DPYD: variants seen among roughly 807,000 people sequenced by gnomAD.
DPYD encodes dihydropyrimidine dehydrogenase [NADP(+)].
In DPYD, 109 loss-of-function variants were observed where a neutral mutation model predicts 116.2. The ratio of observed to expected loss-of-function variants is 0.94; its 90% CI spans 0.80 to 1.10. The LOEUF (loss-of-function observed/expected upper bound fraction) is 1.10. Ranked by LOEUF, DPYD falls within the 50% of genes least tolerant of loss-of-function variation. The probability of loss-of-function intolerance (pLI) is 0.00; values close to 1 mark genes in which losing one functional copy is unlikely to be tolerated. For synonymous variants in DPYD, 440 were observed against 432.0 expected (o/e 1.02, Z -0.23); for missense variants, 1,302 against 1,254.5 (o/e 1.04, Z -0.57).
chr1:97,187,514 C>T (rs11587873), intron 20 of DPYD, among the ~76,000 whole-genome samples: 25,915 of 152,042 alleles, frequency 0.17, 2,666 homozygotes, highest in Middle Eastern at 0.27. Context: ...ATATTTTCTC[C>T]TATTCTGTAG....
At chr1:97,437,937 T>C (rs1201957486) in intron 14 of DPYD, among the ~76,000 whole-genome samples, 3 of 152,054 alleles carry the variant, frequency 2.0e-5, no homozygotes, top group Non-Finnish European at 4.4e-5. Flanking sequence ...TACTTTCTTG[T>C]TGCATAAGAA....
At chr1:97,734,405 ATAC>A in intron 4 of DPYD, among the ~76,000 whole-genome samples, 1 of 152,280 alleles carries the variant, frequency 6.6e-6, no homozygotes, top group South Asian at 2.1e-4. Context: ...TCCAGCACCA[ATAC>A]TACATTGTTT....
At chr1:97,902,415 A>G (rs1054502592) in intron 1 of DPYD, among the ~76,000 whole-genome samples, 2 of 151,842 alleles carry the variant, frequency 1.3e-5, no homozygotes, top group African/African-American at 4.8e-5. Context: ...AGATGCATAA[A>G]TAATATAGAC....
chr1:97,400,764 T>C (rs1673326374), intron 14 of DPYD, among the ~76,000 whole-genome samples: 2 of 152,310 alleles, frequency 1.3e-5, no homozygotes, highest in African/African-American at 2.4e-5. Flanking sequence ...TCTCTGATGG[T>C]AGTTTGTATT....
intron 21 of DPYD, among the ~76,000 whole-genome samples, chr1:97,088,515 A>G (rs545513722): frequency 5.3e-4 from 80 of 152,090 alleles, no homozygotes; most frequent in African/African-American, 1.9e-3. Context: ...GGCTTTCATC[A>G]CTCCTCTGTC....
chr1:97,152,267 T>C (rs1027895877), intron 20 of DPYD, among the ~76,000 whole-genome samples: 2 of 152,200 alleles, frequency 1.3e-5, no homozygotes, highest in Non-Finnish European at 2.9e-5. Flanking sequence ...GTTTAAACCA[T>C]ATCTAAACGA....
chr1:97,705,307 G>A (rs560023997), intron 5 of DPYD, among the ~76,000 whole-genome samples: 16 of 151,792 alleles, frequency 1.1e-4, no homozygotes, highest in East Asian at 1.9e-4. Context: ...AACAGTCCCC[G>A]GTGTGTGGTG....
chr1:97,751,454 G>GTATATATATATA (rs1457273757), intron 3 of DPYD, among the ~76,000 whole-genome samples: 6 of 29,398 alleles, frequency 2.0e-4, no homozygotes, highest in Non-Finnish European at 3.2e-4. Flanking sequence ...GTGTGTGTGT[G>GTATATATATATA]TGTGTGTATA....
chr1:97,862,613 T>C (rs1231710482), intron 2 of DPYD, among the ~76,000 whole-genome samples: 2 of 151,926 alleles, frequency 1.3e-5, no homozygotes, highest in African/African-American at 2.4e-5. Flanking sequence ...TTATCTACAC[T>C]GTGCACACTG....
intron 3 of DPYD, among the ~76,000 whole-genome samples, chr1:97,747,544 T>C (rs1300648634): frequency 6.6e-6 from 1 of 152,150 alleles, no homozygotes; most frequent in Non-Finnish European, 1.5e-5. Context: ...CTTGTAGTAA[T>C]GAGGAAAATA....
At chr1:97,323,455 T>TATGTGTATATATA (rs1558030234) in intron 16 of DPYD, among the ~76,000 whole-genome samples, 1 of 101,392 alleles carries the variant, frequency 9.9e-6, no homozygotes, top group Non-Finnish European at 2.3e-5. Flanking sequence ...TATATACATA[T>TATGTGTATATATA]CATATATACA....
intron 3 of DPYD, among the ~76,000 whole-genome samples, chr1:97,808,691 C>T (rs981679574): frequency 2.0e-5 from 3 of 151,898 alleles, no homozygotes; most frequent in African/African-American, 4.8e-5. Flanking sequence ...AACATCCTTG[C>T]CTTGTTCCCA....
At chr1:97,373,710 C>T (rs910171074) in intron 15 of DPYD, 66 bp from the exon 16 acceptor site, 12 of 1,362,290 alleles carry the variant, frequency 8.8e-6, no homozygotes, top group South Asian at 4.7e-5. Flanking sequence ...AGGCTTTCAC[C>T]GTTGATAACA....
intron 1 of DPYD, among the ~76,000 whole-genome samples, chr1:97,899,117 C>A (rs1271055626): frequency 6.0e-5 from 9 of 150,806 alleles, no homozygotes; most frequent in Admixed American, 6.0e-4. Flanking sequence ...TTTTTTAATG[C>A]CAAAGGCCTT....
chr1:97,419,721 T>C (rs1674479640), intron 14 of DPYD, among the ~76,000 whole-genome samples: 1 of 152,156 alleles, frequency 6.6e-6, no homozygotes, highest in African/African-American at 2.4e-5. Context: ...TTGGACTACA[T>C]TAAAAAATAC....
At chr1:97,183,577 G>A (rs187519158) in intron 20 of DPYD, among the ~76,000 whole-genome samples, 2 of 152,134 alleles carry the variant, frequency 1.3e-5, no homozygotes, top group Non-Finnish European at 2.9e-5. Context: ...TTTCAAGATT[G>A]TTTTGGCTAT....
intron 1 of DPYD, among the ~76,000 whole-genome samples, chr1:97,912,515 G>A (rs1362070559): frequency 1.3e-5 from 2 of 152,060 alleles, no homozygotes; most frequent in Admixed American, 1.3e-4. Context: ...ATTACCTCGT[G>A]CACAGGAAAG....
chr1:97,479,840 A>T (rs967523780), intron 13 of DPYD, among the ~76,000 whole-genome samples: 8 of 152,222 alleles, frequency 5.3e-5, no homozygotes, highest in African/African-American at 1.9e-4. Context: ...TCCAACATCC[A>T]TTCCTATATT....
At chr1:97,435,473 T>A (rs772099979) in intron 14 of DPYD, among the ~76,000 whole-genome samples, 20 of 151,974 alleles carry the variant, frequency 1.3e-4, no homozygotes, top group Non-Finnish European at 2.7e-4. Context: ...TTTAAGGATG[T>A]CTGGTTTGCC....
Sources: gnomAD v4.1 joint callset for allele counts (sites outside exome capture counted in the v4.1 genomes callset) on GRCh38, gnomAD v4.1.1 for gene constraint, MANE v1.5 for transcripts, NCBI Gene and HGNC (gene_info 2026-07-23, HGNC 2026-07-21) for gene names.